Variants in ARHGAP15 observed in about 807,000 individuals in gnomAD.
ARHGAP15 encodes rho GTPase-activating protein 15.
A neutral mutation model predicts 63.7 loss-of-function variants in ARHGAP15; 51 were observed. The ratio of observed to expected loss-of-function variants is 0.80; its 90% CI spans 0.64 to 1.01. The LOEUF is 1.01. ARHGAP15 is among the 50% of genes least tolerant of loss of function. The pLI is 0.00. For missense variants in ARHGAP15, 560 were observed against 564.6 expected (o/e 0.99, Z 0.08); for synonymous variants, 191 against 193.8 (o/e 0.99, Z 0.12).
At chr2:143,225,374 G>A (rs1693167768) in intron 4 of ARHGAP15, among the ~76,000 whole-genome samples, 1 of 152,176 alleles carries the variant, frequency 6.6e-6, no homozygotes, top group Non-Finnish European at 1.5e-5. Context: ...GGCCGAGGCA[G>A]GCGGATCACG....
chr2:143,404,646 A>G (rs1054539756), intron 6 of ARHGAP15, among the ~76,000 whole-genome samples: 2 of 151,892 alleles, frequency 1.3e-5, no homozygotes, highest in East Asian at 1.9e-4. Context: ...CTATGAAGTC[A>G]TGTTTGATTT....
At chr2:143,311,967 T>TC (rs1683468918) in intron 6 of ARHGAP15, among the ~76,000 whole-genome samples, 1 of 152,128 alleles carries the variant, frequency 6.6e-6, no homozygotes, top group Non-Finnish European at 1.5e-5. Context: ...TCCTTTTTTT[T>TC]CCCTCTTCAC....
chr2:143,436,496 CACAT>C (rs1269899649), intron 7 of ARHGAP15, among the ~76,000 whole-genome samples: 1 of 152,098 alleles, frequency 6.6e-6, no homozygotes, highest in African/African-American at 2.4e-5. Context: ...TGTGTGAGTG[CACAT>C]ACATACATAC....
At chr2:143,301,154 C>G (rs944315954) in intron 6 of ARHGAP15, among the ~76,000 whole-genome samples, 2 of 151,626 alleles carry the variant, frequency 1.3e-5, no homozygotes, top group African/African-American at 4.8e-5. Flanking sequence ...ATATCTAATA[C>G]CCAAACACCA....
At chr2:143,449,683 A>G (rs1304829809) in intron 8 of ARHGAP15, among the ~76,000 whole-genome samples, 1 of 152,088 alleles carries the variant, frequency 6.6e-6, no homozygotes, top group South Asian at 2.1e-4. Context: ...ACAATTTCAC[A>G]ATTTAGTTAT....
At chr2:143,453,221 T>TAAACCAAGTTAGAGTTAAAG (rs1690488721) in intron 8 of ARHGAP15, among the ~76,000 whole-genome samples, 1 of 151,986 alleles carries the variant, frequency 6.6e-6, no homozygotes, top group Non-Finnish European at 1.5e-5. Context: ...GAGTTAGAAT[T>TAAACCAAGTTAGAGTTAAAG]TGAAACCAAG....
intron 4 of ARHGAP15, among the ~76,000 whole-genome samples, chr2:143,226,118 T>G (rs1487475317): frequency 6.6e-6 from 1 of 152,190 alleles, no homozygotes; most frequent in Non-Finnish European, 1.5e-5. Flanking sequence ...TCTTACCCTC[T>G]TCAGTTTTTT....
chr2:143,706,224 G>A (rs562590521), intron 13 of ARHGAP15, among the ~76,000 whole-genome samples: 50 of 152,226 alleles, frequency 3.3e-4, no homozygotes, highest in African/African-American at 9.6e-4. Flanking sequence ...CAATCGTGGC[G>A]TGTCATCAAA....
intron 13 of ARHGAP15, among the ~76,000 whole-genome samples, chr2:143,761,693 A>G (rs1686764417): frequency 6.6e-6 from 1 of 152,178 alleles, no homozygotes; most frequent in South Asian, 2.1e-4. Context: ...TCATTTTGGG[A>G]AAAACTTACC....
At chr2:143,628,963 C>T (rs1351985010) in intron 12 of ARHGAP15, among the ~76,000 whole-genome samples, 1 of 152,072 alleles carries the variant, frequency 6.6e-6, no homozygotes, top group Non-Finnish European at 1.5e-5. Context: ...AGATCTGTTA[C>T]TCTTTCATGG....
intron 6 of ARHGAP15, chr2:143,350,838 C>CAAAAAAA (rs59616405): frequency 1.4e-4 from 8 of 57,754 alleles, no homozygotes; most frequent in African/African-American, 3.0e-4. Flanking sequence ...GACTCAGTCT[C>CAAAAAAA]AAAAAAAAAA....
intron 12 of ARHGAP15, chr2:143,640,742 A>C (rs1574753840): frequency 6.6e-6 from 1 of 152,144 alleles, no homozygotes; most frequent in Non-Finnish European, 1.5e-5. Flanking sequence ...CAACAAGAAT[A>C]TAATAAACAT....
chr2:143,253,137 T>A (rs1220457533), intron 6 of ARHGAP15, among the ~76,000 whole-genome samples: 1 of 151,912 alleles, frequency 6.6e-6, no homozygotes, highest in Non-Finnish European at 1.5e-5. Context: ...CAAATGACTA[T>A]TGAGATTTTT....
intron 13 of ARHGAP15, among the ~76,000 whole-genome samples, chr2:143,746,429 A>G (rs1686167091): frequency 1.3e-5 from 2 of 152,234 alleles, no homozygotes; most frequent in South Asian, 2.1e-4. Context: ...GACACAGAAA[A>G]AGCCTCAACA....
chr2:143,555,958 G>C (rs1050405730), intron 10 of ARHGAP15, among the ~76,000 whole-genome samples: 1 of 151,572 alleles, frequency 6.6e-6, no homozygotes, highest in Non-Finnish European at 1.5e-5. Context: ...AAGAAAAAGA[G>C]CTGAGAAGAG....
intron 6 of ARHGAP15, among the ~76,000 whole-genome samples, chr2:143,390,211 GA>G (rs1407045876): frequency 2.0e-5 from 3 of 152,086 alleles, no homozygotes; most frequent in Admixed American, 6.6e-5. Context: ...CTCCTGCATA[GA>G]GACAGATTTG....
intron 6 of ARHGAP15, among the ~76,000 whole-genome samples, chr2:143,420,507 T>C (rs1309883258): frequency 6.6e-6 from 1 of 152,182 alleles, no homozygotes; most frequent in Non-Finnish European, 1.5e-5. Flanking sequence ...CATAAGTCTC[T>C]GGTAATTTTG....
intron 3 of ARHGAP15, among the ~76,000 whole-genome samples, chr2:143,211,036 A>C (rs1692539054): frequency 1.3e-5 from 2 of 152,288 alleles, no homozygotes; most frequent in Admixed American, 1.3e-4. Flanking sequence ...ATGTTTAAAA[A>C]CTATTAGTAC....
intron 1 of ARHGAP15, among the ~76,000 whole-genome samples, chr2:143,151,877 C>G (rs1689837243): frequency 6.6e-6 from 1 of 151,886 alleles, no homozygotes. Context: ...GAAATCGTCT[C>G]TGAACCCACA....
Sources: gnomAD v4.1 joint callset for allele counts (sites outside exome capture counted in the v4.1 genomes callset) on GRCh38, gnomAD v4.1.1 for gene constraint, MANE v1.5 for transcripts, NCBI Gene and HGNC (gene_info 2026-07-23, HGNC 2026-07-21) for gene names.